The following HTR1E variants were observed in gnomAD, a reference collection of about 807,000 sequenced individuals.
HTR1E encodes the protein 5-HT-1E.
Under a neutral mutation model 3.4 loss-of-function variants are expected in HTR1E, and 3 were observed. That is an observed-to-expected ratio of 0.89 (90% confidence interval 0.41 to 2.31). HTR1E has a LOEUF of 2.31. Ranked by LOEUF, HTR1E falls within the 30% of genes most tolerant of loss-of-function variation. HTR1E has a pLI of 0.05. For synonymous variants in HTR1E, 170 were observed against 182.8 expected, an observed-to-expected ratio of 0.93 and a Z score of 0.56; for missense variants, 392 against 467.0, an observed-to-expected ratio of 0.84 and a Z score of 1.48.
rs76464172 is a variant in HTR1E, at chr6:86,962,466, C to G, written c.-186+24643C>G. On this transcript the variant is annotated intron_variant, in intron 1 of 1. Coordinates refer to ENST00000305344, the MANE Select transcript of HTR1E (RefSeq NM_000865.3). ...GAAAATTCCTATTACCTAGTGCCAT[C>G]CTAACATCATGGCACAATGCATTAC... Among the ~76,000 whole-genome samples, 1,239 of 152,284 alleles carry G rather than the reference C, an allele frequency of 8.1e-3. 15 individuals carry two copies. Among genetic ancestry groups the G allele is most frequent in the African/African-American group, 0.028 (1,163 of 41,548 alleles).
At chr6:87,002,198 A>T (rs1411567022) in intron 1 of HTR1E, among the ~76,000 whole-genome samples, 1 of 152,082 alleles carries the variant, frequency 6.6e-6, no homozygotes, top group Non-Finnish European at 1.5e-5. Flanking sequence ...ACAGTTCTTA[A>T]AGATGGTGTG....
chr6:86,996,417 C>A (rs764449825), intron 1 of HTR1E, among the ~76,000 whole-genome samples: 8 of 151,944 alleles, frequency 5.3e-5, no homozygotes, highest in Non-Finnish European at 1.2e-4. Context: ...TAGAGAAAAT[C>A]AATGAAAGGT....
chr6:86,949,074 T>C (rs1343633861), intron 1 of HTR1E, among the ~76,000 whole-genome samples: 1 of 152,236 alleles, frequency 6.6e-6, no homozygotes, highest in Non-Finnish European at 1.5e-5. Flanking sequence ...CTGTCATTTG[T>C]CTTTTAAAAG....
chr6:86,955,180 TC>T (rs1419766299), intron 1 of HTR1E, among the ~76,000 whole-genome samples: 1 of 152,198 alleles, frequency 6.6e-6, no homozygotes, highest in Admixed American at 6.5e-5. Context: ...CAGACATGGT[TC>T]CCATGCAGAT....
chr6:87,011,454 C>T (rs562135383), intron 1 of HTR1E, among the ~76,000 whole-genome samples: 2 of 152,228 alleles, frequency 1.3e-5, no homozygotes, highest in African/African-American at 4.8e-5. Flanking sequence ...TTACATGCAA[C>T]GTAAATGAGT....
chr6:86,939,529 G>T (rs1231753482), intron 1 of HTR1E, among the ~76,000 whole-genome samples: 1 of 152,208 alleles, frequency 6.6e-6, no homozygotes, highest in Non-Finnish European at 1.5e-5. Flanking sequence ...AACAGAGCTA[G>T]AAAGGAGCCT....
At position 87,015,385 on chromosome 6, in the gene HTR1E, G is replaced by T; in HGVS notation, c.51G>T (p.Lys17Asn). 1 of 1,606,940 alleles carries T rather than the reference G, an allele frequency of 6.2e-7. No homozygotes were observed. Among genetic ancestry groups the T allele is most frequent in the South Asian group, 1.1e-5 (1 of 90,374 alleles). ...AGGCCAGCATGGCTATAAGACCCAA[G>T]ACCATCACTGAGAAGATGCTCATTT... ...TTEASMAIRP[K>N]TITEKMLICM... The change falls in exon 2 of 2, where the codon AAG (lysine) becomes AAT (asparagine). Residue 17 changes from lysine (K) to asparagine (N), a missense_variant. Lys to Asn is a moderately conservative substitution (Grantham distance 94). Around this residue, in one of 3 missense-constraint regions of HTR1E, gnomAD observed 189 missense variants for 258.0 expected, o/e 0.73. Transcript: ENST00000305344.
At chr6:86,997,672 C>T (rs776425401) in intron 1 of HTR1E, among the ~76,000 whole-genome samples, 4 of 151,486 alleles carry the variant, frequency 2.6e-5, no homozygotes, top group Non-Finnish European at 5.9e-5. Flanking sequence ...TTACAAAATG[C>T]TAATGAAATG....
At position 86,956,410 on chromosome 6, in the gene HTR1E, C is replaced by T. The variant is rs113242359; in HGVS notation, c.-186+18587C>T. 1.5e-3 allele frequency among the ~76,000 whole-genome samples: 224 copies of T among 152,246 alleles called. 1 individual carries two copies. The highest frequency in any genetic ancestry group is 5.2e-3 in the African/African-American group (217 of 41,542). On this transcript the variant is annotated intron_variant, in intron 1 of 1. Transcript: ENST00000305344. ...ACCCCTTATCTTCATTCAGACATTC[C>T]TTTCTATATTGATTCCAGTTCTTTA... is the stretch of plus-strand genomic sequence containing the variant.
At chr6:87,009,839 C>A (rs1768178621) in intron 1 of HTR1E, among the ~76,000 whole-genome samples, 1 of 113,870 alleles carries the variant, frequency 8.8e-6, no homozygotes, top group Admixed American at 8.2e-5. Flanking sequence ...GGGACTGACC[C>A]CCCCCCACCT....
At chr6:86,959,821 C>T (rs899287420) in intron 1 of HTR1E, among the ~76,000 whole-genome samples, 2 of 152,074 alleles carry the variant, frequency 1.3e-5, no homozygotes, top group Non-Finnish European at 2.9e-5. Context: ...CCATAGGAGC[C>T]CTTTCCTCAT....
At chr6:86,953,132 C>G (rs1381714607) in intron 1 of HTR1E, among the ~76,000 whole-genome samples, 1 of 152,188 alleles carries the variant, frequency 6.6e-6, no homozygotes, top group African/African-American at 2.4e-5. Context: ...TGCAATTTCT[C>G]TCTTAGTCGA....
At position 87,001,455 on chromosome 6, in the gene HTR1E, G is replaced by A. The variant is rs145512483; in HGVS notation, c.-185-13695G>A. 2.0e-3 allele frequency among the ~76,000 whole-genome samples: 308 copies of A among 152,260 alleles called. 1 individual carries two copies. Among genetic ancestry groups the A allele is most frequent in the African/African-American group, 7.0e-3 (291 of 41,542 alleles). ...CTGAAACACCAGGGCTTCTGTCTAG[G>A]TCCTGCTGCTTGCCACAGAGAAAGT... On this transcript the variant is annotated intron_variant, in intron 1 of 1. Transcript: ENST00000305344.
At chr6:87,008,490 A>T (rs1239607030) in intron 1 of HTR1E, among the ~76,000 whole-genome samples, 1 of 152,256 alleles carries the variant, frequency 6.6e-6, no homozygotes, top group Non-Finnish European at 1.5e-5. Flanking sequence ...CAAAGAAGAG[A>T]CGAAAGAATA....
chr6:87,000,266 C>CT (rs1242243433), intron 1 of HTR1E: 2 of 152,246 alleles, frequency 1.3e-5, no homozygotes, highest in African/African-American at 4.8e-5. Flanking sequence ...CTTGACCTCT[C>CT]TTTTTTCCCA....
In HTR1E at chr6:87,016,496, G is replaced by A; in HGVS notation, c.*64G>A. ...TCATGAGTGGATGGGGGTAAGGGGT[G>A]CAACTTATTAATTCTTGAACATACT... On this transcript the variant is annotated 3_prime_UTR_variant, in exon 2 of 2. Coordinates refer to ENST00000305344, the MANE Select transcript of HTR1E (RefSeq NM_000865.3). 3 of 1,359,462 alleles carry A rather than the reference G, an allele frequency of 2.2e-6. No individual in the cohort carries two copies. Among genetic ancestry groups the A allele is most frequent in the Admixed American group, 2.2e-5 (1 of 44,698 alleles). 84.2% of individuals were successfully genotyped at this position (1,359,462 alleles called of 1,614,324 possible).
At chr6:87,003,447 G>A (rs1021156964) in intron 1 of HTR1E, among the ~76,000 whole-genome samples, 1 of 152,002 alleles carries the variant, frequency 6.6e-6, no homozygotes, top group Non-Finnish European at 1.5e-5. Context: ...GCTAAGGCAG[G>A]AGAATTGCTT....
intron 1 of HTR1E, among the ~76,000 whole-genome samples, chr6:87,010,135 C>G (rs1409261396): frequency 3.0e-4 from 36 of 119,944 alleles, no homozygotes; most frequent in South Asian, 1.4e-3. Context: ...TAGGGGCGGC[C>G]GGGCAGAGGC....
chr6:86,958,485 A>G (rs1201439635), intron 1 of HTR1E, among the ~76,000 whole-genome samples: 3 of 152,096 alleles, frequency 2.0e-5, no homozygotes, highest in Non-Finnish European at 2.9e-5. Context: ...TCCAAAATTA[A>G]TAAGTATCTG....
Sources: allele counts gnomAD v4.1 joint callset (sites outside exome capture counted in the v4.1 genomes callset), GRCh38; gene constraint gnomAD v4.1.1; regional missense constraint gnomAD v4.1.1; transcripts MANE v1.5; gene names NCBI Gene and HGNC (gene_info 2026-07-23, HGNC 2026-07-21).